RXYLT1: variants seen among roughly 807,000 people sequenced by gnomAD.
RXYLT1 encodes the protein ribitol xylosyltransferase 1.
In RXYLT1, 41 loss-of-function variants were observed where a neutral mutation model predicts 43.5. The observed-to-expected ratio is 0.94, with a 90% CI of 0.73 to 1.22. The LOEUF (loss-of-function observed/expected upper bound fraction) is 1.22. RXYLT1 is among the 50% of genes most tolerant of loss of function. RXYLT1 has a pLI of 0.00. For synonymous variants in RXYLT1, 166 were observed against 194.4 expected, an observed-to-expected ratio of 0.85 and a Z score of 1.21; for missense variants, 514 against 532.0, an observed-to-expected ratio of 0.97 and a Z score of 0.33.
chr12:63,802,539 A>G, intron 4 of RXYLT1, 134 bp downstream of exon 4: 1 of 744,820 alleles, frequency 1.3e-6, no homozygotes, highest in Non-Finnish European at 2.0e-6. Context: ...TCTCAGAGAT[A>G]AAAACAGGGT....
intron 3 of RXYLT1, among the ~76,000 whole-genome samples, chr12:63,797,726 G>T (rs1332790791): frequency 1.3e-5 from 2 of 152,128 alleles, no homozygotes; most frequent in African/African-American, 4.8e-5. Flanking sequence ...GTGTTTATGT[G>T]TGTAGATTTC....
At chr12:63,803,234 A>G (rs992296613) in intron 4 of RXYLT1, among the ~76,000 whole-genome samples, 26 of 150,666 alleles carry the variant, frequency 1.7e-4, no homozygotes, top group Non-Finnish European at 3.4e-4. Context: ...CTCCAGCTAT[A>G]AAATGGAAAA....
intron 3 of RXYLT1, among the ~76,000 whole-genome samples, chr12:63,790,776 G>T (rs940941894): frequency 6.6e-6 from 1 of 152,060 alleles, no homozygotes; most frequent in African/African-American, 2.4e-5. Flanking sequence ...TCAAATTCTT[G>T]TTCTATTACT....
At chr12:63,789,900 A>G (rs1189781295) in intron 3 of RXYLT1, among the ~76,000 whole-genome samples, 2 of 152,266 alleles carry the variant, frequency 1.3e-5, no homozygotes, top group Non-Finnish European at 2.9e-5. Context: ...AATCAGAAGT[A>G]ACGGCTCACC....
chr12:63,788,706 C>G (rs555210264), intron 3 of RXYLT1, among the ~76,000 whole-genome samples: 285 of 152,314 alleles, frequency 1.9e-3, no homozygotes, highest in African/African-American at 6.6e-3. Flanking sequence ...GATCCTCTAT[C>G]CAGACTATTA....
chr12:63,801,328 C>T (rs1565905457), intron 3 of RXYLT1, among the ~76,000 whole-genome samples: 1 of 152,144 alleles, frequency 6.6e-6, no homozygotes, highest in Non-Finnish European at 1.5e-5. Flanking sequence ...AATTTGTCAG[C>T]ACTTTCTCAT....
chr12:63,795,005 C>A (rs776258633), intron 3 of RXYLT1, among the ~76,000 whole-genome samples: 1 of 150,726 alleles, frequency 6.6e-6, no homozygotes, highest in Non-Finnish European at 1.5e-5. Context: ...TTTAAAATAT[C>A]AAAATATAGG....
Position 63,781,029 on chromosome 12 carries a change from T to C in RXYLT1, c.180T>C (p.Thr60=). 1 of 1,599,104 alleles carries C rather than the reference T, an allele frequency of 6.3e-7. No individual in the cohort carries two copies. The highest frequency in any genetic ancestry group is 8.5e-7 in the Non-Finnish European group (1 of 1,174,256). Residue 60 remains threonine (T), a synonymous_variant, in exon 2 of 6, where the codon ACT becomes ACC. Transcript: ENST00000261234. ...ARERRGREQS[T]LESEEWNPWE... ...CTCTTTTTAAAACAGAACAGTCCAC[T>C]TTGGAAAGTGAAGAATGGAATCCTT...
rs943073038 is a variant in RXYLT1 at position 63,781,004 on chromosome 12, C to T, written c.170-15C>T. The T allele has an allele frequency of 1.4e-5, 22 of 1,555,248 alleles. No homozygotes were observed. The highest frequency in any genetic ancestry group is 1.9e-5 in the Non-Finnish European group (22 of 1,156,180). ...ATAATACCTTACTGGTAAACACTTA[C>T]TCTTTTTAAAACAGAACAGTCCACT... On this transcript the variant is annotated splice_polypyrimidine_tract_variant and intron_variant, in intron 1 of 5. Coordinates refer to ENST00000261234, the MANE Select transcript of RXYLT1 (RefSeq NM_014254.3).
chr12:63,808,699 A>T lies in RXYLT1; in HGVS notation c.939A>T (p.Glu313Asp). ...GCTGGCAGCCTCAGGAAACAAATGA[A>T]AGTCTTAAGAATTACCAAGATGCCT... Reference protein sequence around the residue: ...REHWQPQETNESLKNYQDALL... With the variant: ...REHWQPQETNDSLKNYQDALL... The change falls in exon 6 of 6, where the codon GAA becomes GAT. Residue 313 changes from glutamate (E) to aspartate (D), a missense_variant. Transcript: ENST00000261234. The T allele has an allele frequency of 6.3e-7, 1 of 1,599,836 alleles. No individual in the cohort carries two copies. The highest frequency in any genetic ancestry group is 1.1e-5 in the South Asian group (1 of 87,114).
At chr12:63,798,961 A>G (rs1274169770) in intron 3 of RXYLT1, among the ~76,000 whole-genome samples, 1 of 152,208 alleles carries the variant, frequency 6.6e-6, no homozygotes, top group Non-Finnish European at 1.5e-5. Flanking sequence ...GTTTAGACCT[A>G]ATGACTTTAA....
At chr12:63,786,199 A>C (rs1897796148) in intron 3 of RXYLT1, among the ~76,000 whole-genome samples, 4 of 152,300 alleles carry the variant, frequency 2.6e-5, no homozygotes, top group Admixed American at 2.6e-4. Flanking sequence ...AATTTTCAGA[A>C]AAGTTATTAA....
chr12:63,795,184 G>A (rs1898002404), intron 3 of RXYLT1, among the ~76,000 whole-genome samples: 1 of 152,030 alleles, frequency 6.6e-6, no homozygotes, highest in Non-Finnish European at 1.5e-5. Context: ...CGGGGCTGAG[G>A]TGGAAGGATA....
rs542954491 is a variant in RXYLT1, at chr12:63,785,194, G to A, written c.428+122G>A. ...TATAAAAATACTTCTATTTCAACTT[G>A]TAAAGAATAGAGAAGTAAATCTCAT... On this transcript the variant is annotated intron_variant, in intron 3 of 5. Transcript: ENST00000261234. The A allele has an allele frequency of 6.3e-4, 360 of 574,908 alleles. No individual in the cohort carries two copies. In the African/African-American group the frequency reaches 6.3e-3, roughly 10 times the overall value. The allele number at this position is 574,908 out of a possible 1,614,324, so 35.6% of individuals were successfully genotyped here. A position where few individuals can be genotyped will look rare whatever the true frequency, so the allele number is the denominator to read the frequency against.
At chr12:63,784,917 A>C in intron 2 of RXYLT1, 53 bp from the exon 3 acceptor site, 1 of 1,460,218 alleles carries the variant, frequency 6.8e-7, no homozygotes, top group South Asian at 1.2e-5. Flanking sequence ...TCATGCACTA[A>C]AGTAGATGAG....
intron 5 of RXYLT1, 29 bp from the exon 6 acceptor site, chr12:63,808,646 A>C (rs1433497111): frequency 1.3e-6 from 2 of 1,584,770 alleles, no homozygotes; most frequent in Non-Finnish European, 1.7e-6. Flanking sequence ...AGTAAAGTGA[A>C]AACTACAGTT....
chr12:63,793,891 A>C (rs930398200), intron 3 of RXYLT1, among the ~76,000 whole-genome samples: 2 of 152,236 alleles, frequency 1.3e-5, no homozygotes, highest in African/African-American at 4.8e-5. Flanking sequence ...TTTGGGATAC[A>C]TAAAAATTAG....
At chr12:63,789,878 T>C (rs551161185) in intron 3 of RXYLT1, among the ~76,000 whole-genome samples, 283 of 152,344 alleles carry the variant, frequency 1.9e-3, no homozygotes, top group African/African-American at 6.6e-3. Flanking sequence ...CATCCTTGTT[T>C]GACCAAAAGT....
chr12:63,786,651 A>C (rs911316503), intron 3 of RXYLT1, among the ~76,000 whole-genome samples: 1 of 152,200 alleles, frequency 6.6e-6, no homozygotes, highest in African/African-American at 2.4e-5. Flanking sequence ...TGTATTGATG[A>C]CTAATCAGGG....
Sources: allele counts gnomAD v4.1 joint callset (sites outside exome capture counted in the v4.1 genomes callset), GRCh38; gene constraint gnomAD v4.1.1; transcripts MANE v1.5; gene names NCBI Gene and HGNC (gene_info 2026-07-23, HGNC 2026-07-21).